The following TTLL5 variants were observed in gnomAD, a reference collection of about 807,000 sequenced individuals.
The protein encoded by TTLL5 is tubulin tyrosine ligase like 5.
TTLL5 carries 132 observed loss-of-function variants against 168.4 expected under a neutral mutation model. That is an observed-to-expected ratio of 0.78 (90% CI 0.68 to 0.91). TTLL5 has a LOEUF of 0.91. Ranked by LOEUF, TTLL5 falls within the 40% of genes least tolerant of loss-of-function variation. The pLI is 0.00. For missense variants in TTLL5, 1,545 were observed against 1,581.5 expected (o/e 0.98, Z 0.39); for synonymous variants, 546 against 558.6 (o/e 0.98, Z 0.32).
intron 30 of TTLL5, among the ~76,000 whole-genome samples, chr14:75,898,366 G>A (rs564632569): frequency 6.6e-6 from 1 of 152,300 alleles, no homozygotes; most frequent in South Asian, 2.1e-4. Flanking sequence ...TTTAGGCCAG[G>A]TGCAGTGGCT....
intron 18 of TTLL5, among the ~76,000 whole-genome samples, chr14:75,759,961 A>G (rs2140287731): frequency 6.6e-6 from 1 of 152,244 alleles, no homozygotes; most frequent in South Asian, 2.1e-4. Flanking sequence ...ATAGGGCAAG[A>G]TGTCCACTCA....
intron 30 of TTLL5, among the ~76,000 whole-genome samples, chr14:75,901,859 G>A (rs2032937127): frequency 1.3e-5 from 2 of 152,120 alleles, no homozygotes; most frequent in South Asian, 4.2e-4. Flanking sequence ...CACTATTCTA[G>A]GCACTGGAGA....
chr14:75,880,714 A>G (rs971333214), intron 29 of TTLL5, among the ~76,000 whole-genome samples: 13 of 152,220 alleles, frequency 8.5e-5, no homozygotes, highest in African/African-American at 3.1e-4. Flanking sequence ...AACAGCTGCA[A>G]AGAAAGGGTT....
At chr14:75,915,536 G>C (rs1425204178) in intron 31 of TTLL5, among the ~76,000 whole-genome samples, 2 of 152,146 alleles carry the variant, frequency 1.3e-5, no homozygotes, top group African/African-American at 4.8e-5. Flanking sequence ...CCCTGTCACT[G>C]TCCAGTTGGC....
intron 31 of TTLL5, among the ~76,000 whole-genome samples, chr14:75,922,675 T>C (rs1245881379): frequency 6.6e-6 from 1 of 152,238 alleles, no homozygotes; most frequent in Non-Finnish European, 1.5e-5. Context: ...ATCAGGGATA[T>C]TTATCTAAAA....
At chr14:75,945,334 G>A (rs1306269061) in intron 31 of TTLL5, among the ~76,000 whole-genome samples, 1 of 151,558 alleles carries the variant, frequency 6.6e-6, no homozygotes, top group African/African-American at 2.4e-5. Context: ...TTGGCTCGCT[G>A]CAACCTCCAC....
At chr14:75,672,204 C>A (rs985726376) in intron 3 of TTLL5, among the ~76,000 whole-genome samples, 1 of 152,126 alleles carries the variant, frequency 6.6e-6, no homozygotes, top group African/African-American at 2.4e-5. Flanking sequence ...TGAGATAAAT[C>A]CCACTTTGTC....
At chr14:75,741,214 T>G (rs1331171409) in intron 15 of TTLL5, among the ~76,000 whole-genome samples, 2 of 152,220 alleles carry the variant, frequency 1.3e-5, no homozygotes, top group Non-Finnish European at 2.9e-5. Context: ...ATTGATAAAT[T>G]CATCTTTATC....
intron 28 of TTLL5, among the ~76,000 whole-genome samples, chr14:75,831,111 C>T (rs1030137488): frequency 3.9e-5 from 6 of 152,176 alleles, no homozygotes; most frequent in African/African-American, 1.4e-4. Context: ...CCATATTGGA[C>T]AGCTCAGGAC....
At chr14:75,766,009 G>A (rs747285417) in intron 19 of TTLL5, 53 bp from the exon 20 acceptor site, 1 of 1,505,616 alleles carries the variant, frequency 6.6e-7, no homozygotes, top group South Asian at 1.3e-5. Context: ...GGTATTGGGA[G>A]AGAGGAACAT....
rs1294190596 is a variant in TTLL5 at position 75,686,468 on chromosome 14, C to T, written c.371+2812C>T. 2.6e-5 allele frequency among the ~76,000 whole-genome samples: 4 copies of T among 152,010 alleles called. No homozygotes were observed. In the East Asian group the frequency reaches 7.7e-4, roughly 29 times the overall value. On this transcript the variant is annotated intron_variant, in intron 5 of 31. Coordinates refer to ENST00000298832, the MANE Select transcript of TTLL5 (RefSeq NM_015072.5). Reference sequence around the variant, plus strand: ...CCCATCTGGAAGGGTCATTTCAGGCCCGTGGTGCTAGTGATGATAAGAGTT... The same window carrying T: ...CCCATCTGGAAGGGTCATTTCAGGCTCGTGGTGCTAGTGATGATAAGAGTT...
At chr14:75,755,314 A>G (rs943608838) in intron 18 of TTLL5, among the ~76,000 whole-genome samples, 1 of 151,652 alleles carries the variant, frequency 6.6e-6, no homozygotes, top group Non-Finnish European at 1.5e-5. Flanking sequence ...TTCCCTGTTT[A>G]GCTAAGAAAA....
intron 30 of TTLL5, among the ~76,000 whole-genome samples, chr14:75,890,330 G>A (rs1169626362): frequency 6.6e-6 from 1 of 152,152 alleles, no homozygotes; most frequent in Admixed American, 6.5e-5. Context: ...TGAAAAGCAA[G>A]CAGTAAAATT....
intron 6 of TTLL5, among the ~76,000 whole-genome samples, chr14:75,693,985 A>G (rs1885643745): frequency 6.6e-6 from 1 of 152,244 alleles, no homozygotes; most frequent in East Asian, 1.9e-4. Context: ...CTCTAGAGTC[A>G]TATACTTGAA....
intron 12 of TTLL5, among the ~76,000 whole-genome samples, chr14:75,723,562 C>G (rs1310648088): frequency 6.6e-6 from 1 of 152,114 alleles, no homozygotes; most frequent in African/African-American, 2.4e-5. Flanking sequence ...CTGTAAAAAT[C>G]TTTGTTCTAA....
intron 29 of TTLL5, among the ~76,000 whole-genome samples, chr14:75,879,068 C>G (rs2031661447): frequency 6.6e-6 from 1 of 152,148 alleles, no homozygotes; most frequent in Admixed American, 6.6e-5. Context: ...CACCTTTCTA[C>G]TAGTCACTGT....
chr14:75,855,820 A>G (rs1349634464), intron 28 of TTLL5, among the ~76,000 whole-genome samples: 1 of 152,220 alleles, frequency 6.6e-6, no homozygotes, highest in Non-Finnish European at 1.5e-5. Context: ...ACATACACAC[A>G]CATTCTTTAG....
rs148677697 is a variant in TTLL5, at chr14:75,783,416, A to G, written c.2872A>G (p.Thr958Ala). 28,087 of 1,614,166 alleles carry G rather than the reference A, an allele frequency of 0.017. 295 individuals carry two copies. The highest frequency in any genetic ancestry group is 0.031 in the Middle Eastern group (190 of 6,062). Reference sequence around the variant, plus strand: ...CGGGGCACAGAACATCCCAAGCCCTACTGGCCTGCCACGCTGTCGATCAGG... The same window carrying G: ...CGGGGCACAGAACATCCCAAGCCCTGCTGGCCTGCCACGCTGTCGATCAGG... ...HPGAQNIPSP[T>A]GLPRCRSGSH... Residue 958 changes from threonine to alanine, a missense_variant, in exon 26 of 32, where the codon ACT (threonine) becomes GCT (alanine). Transcript: ENST00000298832.
chr14:75,902,900 G>T (rs58354224), intron 31 of TTLL5, among the ~76,000 whole-genome samples: 1 of 152,158 alleles, frequency 6.6e-6, no homozygotes, highest in East Asian at 1.9e-4. Flanking sequence ...GATACACACC[G>T]GGTGAACAAG....
Sources: gnomAD v4.1 joint callset for allele counts (sites outside exome capture counted in the v4.1 genomes callset) on GRCh38, gnomAD v4.1.1 for gene constraint, MANE v1.5 for transcripts, NCBI Gene and HGNC (gene_info 2026-07-23, HGNC 2026-07-21) for gene names.